The following CSMD1 variants were observed in gnomAD, a reference collection of about 807,000 sequenced individuals.
The protein encoded by CSMD1 is CUB and Sushi multiple domains 1, also known as CUB and sushi domain-containing protein 1.
Under a neutral mutation model 417.5 loss-of-function variants are expected in CSMD1, and 213 were observed. The ratio of observed to expected loss-of-function variants is 0.51; its 90% CI spans 0.46 to 0.57. CSMD1 has a LOEUF of 0.57. Ranked by LOEUF, CSMD1 falls within the 20% of genes least tolerant of loss-of-function variation. The pLI is 0.00. For synonymous variants in CSMD1, 2,862 were observed against 1,736.8 expected (o/e 1.65, Z -16.11); for missense variants, 6,923 against 4,529.7 (o/e 1.53, Z -15.17).
rs186379696 is a variant in CSMD1, at chr8:4,349,051, G to A, written c.415+70902C>T. Among the ~76,000 whole-genome samples, 85 of 152,270 alleles carry A rather than the reference G, an allele frequency of 5.6e-4. 1 individual carries two copies. The highest frequency in any genetic ancestry group is 1.7e-3 in the African/African-American group (71 of 41,562). ...GAAATCTTACATTCTTGCTAATTTA[G>A]TTAGAAATTATTAACATGACTCATG... On this transcript the variant is annotated intron_variant, in intron 3 of 69. Coordinates refer to ENST00000635120, the MANE Select transcript of CSMD1 (RefSeq NM_033225.6).
chr8:3,297,920 T>TA (rs903752240), intron 25 of CSMD1, among the ~76,000 whole-genome samples: 1 of 151,858 alleles, frequency 6.6e-6, no homozygotes, highest in African/African-American at 2.4e-5. Context: ...CATTTCAGTA[T>TA]AAAAAAATGG....
chr8:4,170,536 G>A (rs1355864449), intron 3 of CSMD1, among the ~76,000 whole-genome samples: 1 of 151,824 alleles, frequency 6.6e-6, no homozygotes. Context: ...TCTATAGTCG[G>A]AGTATTGGAA....
intron 36 of CSMD1, among the ~76,000 whole-genome samples, chr8:3,185,861 C>T (rs1462212444): frequency 6.6e-6 from 1 of 152,164 alleles, no homozygotes; most frequent in African/African-American, 2.4e-5. Context: ...GAACACTTTA[C>T]TTAAAAATGA....
At chr8:4,025,043 G>T (rs558955226) in intron 4 of CSMD1, among the ~76,000 whole-genome samples, 2 of 152,134 alleles carry the variant, frequency 1.3e-5, no homozygotes, top group African/African-American at 2.4e-5. Flanking sequence ...AGGCAGCCGG[G>T]ACAACATCAG....
intron 1 of CSMD1, among the ~76,000 whole-genome samples, chr8:4,902,434 GAA>G (rs11459550): frequency 7.1e-6 from 1 of 139,958 alleles, no homozygotes. Context: ...CTAAAGAGGA[GAA>G]AAAAAAAAAA....
intron 5 of CSMD1, among the ~76,000 whole-genome samples, chr8:3,916,321 G>A (rs897654576): frequency 1.3e-5 from 2 of 152,030 alleles, no homozygotes; most frequent in African/African-American, 4.8e-5. Context: ...GCACTACGCC[G>A]GATATTTATA....
intron 3 of CSMD1, among the ~76,000 whole-genome samples, chr8:4,297,296 T>C (rs1797740410): frequency 6.6e-6 from 1 of 152,112 alleles, no homozygotes; most frequent in Non-Finnish European, 1.5e-5. Flanking sequence ...CCTTGTATCT[T>C]ACATAAGATA....
At chr8:3,011,106 A>G (rs1299842120) in intron 52 of CSMD1, among the ~76,000 whole-genome samples, 2 of 152,188 alleles carry the variant, frequency 1.3e-5, no homozygotes, top group Non-Finnish European at 2.9e-5. Context: ...AGAAGAACCA[A>G]TCTTATTAAC....
chr8:3,778,771 G>A (rs1330145002), intron 5 of CSMD1, among the ~76,000 whole-genome samples: 1 of 152,144 alleles, frequency 6.6e-6, no homozygotes, highest in Non-Finnish European at 1.5e-5. Flanking sequence ...TTGTGATTGG[G>A]TATCATGGAG....
intron 1 of CSMD1, among the ~76,000 whole-genome samples, chr8:4,853,553 C>T (rs564998079): frequency 6.6e-6 from 1 of 152,310 alleles, no homozygotes; most frequent in African/African-American, 2.4e-5. Flanking sequence ...AGTGCTCAGG[C>T]AGAAGGCTGC....
Position 4,257,014 on chromosome 8 carries a change from C to G in CSMD1, c.415+162939G>C, listed in dbSNP as rs561003358. ...GTATGTAACTTCCAAATGATGCAAG[C>G]TACTGGGATCAAGCCATCTAGGAAA... On this transcript the variant is annotated intron_variant, in intron 3 of 69. Transcript: ENST00000635120. Among the ~76,000 whole-genome samples, 6 of 152,264 alleles carry G rather than the reference C, an allele frequency of 3.9e-5. No individual in the cohort carries two copies. In the East Asian group the frequency reaches 9.7e-4, roughly 25 times the overall value.
chr8:4,356,462 G>C (rs375114231), intron 3 of CSMD1, among the ~76,000 whole-genome samples: 1 of 152,134 alleles, frequency 6.6e-6, no homozygotes, highest in Non-Finnish European at 1.5e-5. Flanking sequence ...TTCGTGTAAT[G>C]ACTTCTTTTC....
chr8:3,710,525 G>C lies in CSMD1; in HGVS notation c.932-2034C>G, dbSNP rs1585114390. Among the ~76,000 whole-genome samples, 3 of 152,112 alleles carry C rather than the reference G, an allele frequency of 2.0e-5. No individual in the cohort carries two copies. In the South Asian group the frequency reaches 6.2e-4, roughly 32 times the overall value. ...ACTGACATTCAGAGGGCTGGGCTTA[G>C]GTGGACAATTGCCCTTTGGGACTGT... On this transcript the variant is annotated intron_variant, in intron 6 of 69. Transcript: ENST00000635120.
chr8:4,252,923 C>T (rs749072639), intron 3 of CSMD1, among the ~76,000 whole-genome samples: 12 of 152,180 alleles, frequency 7.9e-5, no homozygotes, highest in East Asian at 3.9e-4. Flanking sequence ...TGGCTGGACC[C>T]ATGGCAGCAG....
chr8:4,100,924 G>A (rs917873008), intron 3 of CSMD1, among the ~76,000 whole-genome samples: 16 of 152,172 alleles, frequency 1.1e-4, no homozygotes, highest in African/African-American at 3.6e-4. Flanking sequence ...GTATATGAAG[G>A]TGGAAATGCT....
chr8:4,648,345 A>G (rs543578567), intron 1 of CSMD1, among the ~76,000 whole-genome samples: 27 of 152,276 alleles, frequency 1.8e-4, no homozygotes, highest in African/African-American at 5.8e-4. Flanking sequence ...ATATAATGAC[A>G]TGATCCACAT....
chr8:4,303,963 T>A (rs991526345), intron 3 of CSMD1, among the ~76,000 whole-genome samples: 1 of 152,130 alleles, frequency 6.6e-6, no homozygotes, highest in Non-Finnish European at 1.5e-5. Context: ...TTTTCCCTCT[T>A]CCTTTTGCCT....
intron 8 of CSMD1, among the ~76,000 whole-genome samples, chr8:3,597,989 A>T (rs1223835093): frequency 6.6e-6 from 1 of 152,162 alleles, no homozygotes; most frequent in Non-Finnish European, 1.5e-5. Flanking sequence ...GTATATTAAA[A>T]AGTTTTTCTT....
At chr8:3,941,490 C>G (rs568534933) in intron 5 of CSMD1, among the ~76,000 whole-genome samples, 2 of 152,198 alleles carry the variant, frequency 1.3e-5, no homozygotes, top group South Asian at 2.1e-4. Flanking sequence ...CTCAAGGTAT[C>G]TGAATAAAAG....
Sources: allele counts gnomAD v4.1 joint callset (sites outside exome capture counted in the v4.1 genomes callset), GRCh38; gene constraint gnomAD v4.1.1; transcripts MANE v1.5; gene names NCBI Gene and HGNC (gene_info 2026-07-23, HGNC 2026-07-21).